The following TMEM64 variants were observed in gnomAD, a reference collection of about 807,000 sequenced individuals.
TMEM64 encodes the protein transmembrane protein 64.
Under a neutral mutation model 24.5 loss-of-function variants are expected in TMEM64, and 19 were observed. That is an observed-to-expected ratio of 0.78 (90% CI 0.54 to 1.14). The LOEUF (loss-of-function observed/expected upper bound fraction) is 1.14. TMEM64 is among the 50% of genes most tolerant of loss of function. The pLI is 0.00. For synonymous variants in TMEM64, 262 were observed against 224.7 expected (o/e 1.17, Z -1.49); for missense variants, 487 against 493.0 (o/e 0.99, Z 0.12).
chr8:90,629,238 T>C (rs937509124), intron 2 of TMEM64, among the ~76,000 whole-genome samples: 2 of 152,218 alleles, frequency 1.3e-5, no homozygotes, highest in African/African-American at 2.4e-5. Context: ...CTAAGAAATA[T>C]GTGCTTTCCC....
rs1809666426 is a variant in TMEM64 at position 90,644,967 on chromosome 8, G to A, written c.795+144C>T. The stretch of plus-strand genomic sequence containing the variant: ...TTTTATGTGTAGGACAGACTTCCCA[G>A]GCTGCGATGGAAAGTAATCGTAACT... On this transcript the variant is annotated intron_variant, in intron 1 of 2. Transcript: ENST00000458549. The A allele has an allele frequency of 6.6e-6, 6 of 903,710 alleles. No homozygotes were observed. In the South Asian group the frequency reaches 8.3e-5, roughly 12 times the overall value. 56.0% of individuals were successfully genotyped at this position (903,710 alleles called of 1,614,324 possible). A position where few individuals can be genotyped will look rare whatever the true frequency, so the allele number is the denominator to read the frequency against.
chr8:90,634,181 C>T (rs1243946613), intron 1 of TMEM64, among the ~76,000 whole-genome samples: 8 of 152,100 alleles, frequency 5.3e-5, no homozygotes, highest in Admixed American at 1.3e-4. Flanking sequence ...GATCCCTCCC[C>T]GTTCCAGTAG....
At chr8:90,632,135 C>CT (rs1809448680) in intron 1 of TMEM64, among the ~76,000 whole-genome samples, 1 of 152,160 alleles carries the variant, frequency 6.6e-6, no homozygotes, top group Non-Finnish European at 1.5e-5. Context: ...ATATGCTACT[C>CT]TGTCTCTAAA....
intron 1 of TMEM64, among the ~76,000 whole-genome samples, chr8:90,637,134 GA>G (rs1354351842): frequency 6.6e-6 from 1 of 151,730 alleles, no homozygotes; most frequent in East Asian, 1.9e-4. Flanking sequence ...AAAATGAGAG[GA>G]AAAAAAACTA....
At chr8:90,630,660 G>C (rs1011182356) in intron 2 of TMEM64, among the ~76,000 whole-genome samples, 1 of 152,048 alleles carries the variant, frequency 6.6e-6, no homozygotes, top group East Asian at 1.9e-4. Context: ...GTTGGGAAGA[G>C]ATGTATAATA....
Position 90,645,935 on chromosome 8 carries a change from C to A in TMEM64, c.-30G>T. 1 of 1,119,442 alleles carries A rather than the reference C, an allele frequency of 8.9e-7. No homozygotes were observed. The highest frequency in any genetic ancestry group is 1.1e-6 in the Non-Finnish European group (1 of 912,680). The allele number at this position is 1,119,442 out of a possible 1,614,324, so 69.3% of individuals were successfully genotyped here. A position where few individuals can be genotyped will look rare whatever the true frequency, so the allele number is the denominator to read the frequency against. ...CGGCCCAGCGCGGGCCCTCAGCCGG[C>A]CAGCCCCTCCGCCGCGGCGCCCGTT... is the stretch of plus-strand genomic sequence containing the variant. On this transcript the variant is annotated 5_prime_UTR_variant, in exon 1 of 3. Coordinates refer to ENST00000458549, the MANE Select transcript of TMEM64 (RefSeq NM_001008495.4). This position sits in a 1 kb window ranked among gnomAD's most constrained non-coding sequence, Gnocchi z 4.2.
intron 1 of TMEM64, among the ~76,000 whole-genome samples, chr8:90,640,717 T>G (rs369880504): frequency 1.3e-5 from 2 of 152,348 alleles, no homozygotes; most frequent in East Asian, 3.9e-4. Flanking sequence ...TCTTGATAGC[T>G]CAATGCAAAC....
intron 1 of TMEM64, among the ~76,000 whole-genome samples, chr8:90,639,338 AATTT>A (rs1430890875): frequency 3.3e-5 from 5 of 152,082 alleles, no homozygotes; most frequent in African/African-American, 1.2e-4. Context: ...AGAGGTCACC[AATTT>A]ATTTGAGAAT....
At chr8:90,643,977 T>G (rs893155539) in intron 1 of TMEM64, among the ~76,000 whole-genome samples, 3 of 152,234 alleles carry the variant, frequency 2.0e-5, no homozygotes, top group African/African-American at 7.2e-5. Context: ...GCAGATTGGT[T>G]AGTATTATTC....
chr8:90,641,590 G>A (rs143040444), intron 1 of TMEM64, among the ~76,000 whole-genome samples: 1 of 152,104 alleles, frequency 6.6e-6, no homozygotes, highest in Non-Finnish European at 1.5e-5. Flanking sequence ...GCTCTTCTTG[G>A]ACCAACACTA....
intron 2 of TMEM64, 128 bp from the exon 3 acceptor site, chr8:90,625,990 T>C (rs1809353201): frequency 3.0e-6 from 2 of 666,074 alleles, no homozygotes; most frequent in Non-Finnish European, 4.9e-6. Context: ...TAAAGGGTTA[T>C]ACATTTTTAA....
Position 90,623,858 on chromosome 8 carries a change from AAAAT to A in TMEM64, c.*1809_*1812del, listed in dbSNP as rs1262838423. 6.6e-6 allele frequency: 1 copy of A among 152,158 alleles called. No homozygotes were observed. Among genetic ancestry groups the A allele is most frequent in the East Asian group, 1.9e-4 (1 of 5,186 alleles). 9.4% of individuals were successfully genotyped at this position (152,158 alleles called of 1,614,324 possible). A position where few individuals can be genotyped will look rare whatever the true frequency, so the allele number is the denominator to read the frequency against. On this transcript the variant is annotated 3_prime_UTR_variant, in exon 3 of 3. Coordinates refer to ENST00000458549, the MANE Select transcript of TMEM64 (RefSeq NM_001008495.4). ...AAAAGGTTGTCAGGTTAGACAGAAA[AAAAT>A]AAATCAAATGTATTGTTGGTTGGGA...
intron 2 of TMEM64, among the ~76,000 whole-genome samples, chr8:90,629,639 GTTTAAC>G (rs1809410602): frequency 1.3e-5 from 2 of 152,042 alleles, no homozygotes; most frequent in Admixed American, 6.5e-5. Flanking sequence ...TGCATAGAAA[GTTTAAC>G]TTTATATGAT....
At chr8:90,633,514 G>T (rs1167838487) in intron 1 of TMEM64, among the ~76,000 whole-genome samples, 1 of 152,168 alleles carries the variant, frequency 6.6e-6, no homozygotes, top group Non-Finnish European at 1.5e-5. Flanking sequence ...AAGTGATCTG[G>T]TATACAGCAA....
In TMEM64 at chr8:90,623,232, A is replaced by G. The variant is rs550680352; in HGVS notation, c.*2439T>C. ...CTGAGAAATTTGACATTTCATTTCT[A>G]TAAATATACATGAGTGGAGACATTT... is the stretch of plus-strand genomic sequence containing the variant. On this transcript the variant is annotated 3_prime_UTR_variant, in exon 3 of 3. Transcript: ENST00000458549. 7 of 152,318 alleles carry G rather than the reference A, an allele frequency of 4.6e-5. No homozygotes were observed. Among genetic ancestry groups the G allele is most frequent in the African/African-American group, 1.4e-4 (6 of 41,574 alleles). 9.4% of individuals were successfully genotyped at this position (152,318 alleles called of 1,614,324 possible).
chr8:90,640,289 T>G (rs867670039), intron 1 of TMEM64, among the ~76,000 whole-genome samples: 5 of 152,336 alleles, frequency 3.3e-5, no homozygotes, highest in Middle Eastern at 6.8e-3. Context: ...TCATATCTTT[T>G]TTTGAATCTA....
chr8:90,645,712 A>C lies in TMEM64; in HGVS notation c.194T>G (p.Leu65Arg), dbSNP rs1473362800. The C allele has an allele frequency of 1.7e-6, 2 of 1,205,760 alleles. No homozygotes were observed. Among genetic ancestry groups the C allele is most frequent in the Non-Finnish European group, 1.0e-6 (1 of 973,060 alleles). The allele number at this position is 1,205,760 out of a possible 1,614,324, so 74.7% of individuals were successfully genotyped here. A position where few individuals can be genotyped will look rare whatever the true frequency, so the allele number is the denominator to read the frequency against. ...GTGGCGCTCCAGATAGGCGCCGAGC[A>C]GGGCGCCCGAGGCCGCCGCTGCTGC... ...AAAAAAASGA[L>R]LGAYLERHGP... is the part of the protein sequence containing the mutation. Residue 65 changes from leucine to arginine, a missense_variant, in exon 1 of 3, where the codon CTG becomes CGG. By Grantham distance (102) the Leu-to-Arg change is moderately radical. This residue lies in a region of TMEM64 where 419 missense variants were observed against 407.5 expected (regional missense o/e 1.03). Transcript: ENST00000458549. The surrounding 1 kb of genome is among the most constrained non-coding windows in gnomAD (Gnocchi z 4.2).
rs1368271902 is a variant in TMEM64, at chr8:90,645,646, G to A, written c.260C>T (p.Ala87Val). ...GCCACTCCCGGGGCCGCCCGCCAAG[G>A]CCCCGCCCGGCTCCGGCAGCTCCGA... is the stretch of plus-strand genomic sequence containing the variant. Reference protein sequence around the residue: ...EASELPEPGGALAGGPGSGGG... With the variant: ...EASELPEPGGVLAGGPGSGGG... The change falls in exon 1 of 3, where the codon GCC (alanine) becomes GTC (valine). Residue 87 changes from alanine (A) to valine (V), a missense_variant. Coordinates refer to ENST00000458549, the MANE Select transcript of TMEM64 (RefSeq NM_001008495.4). This position sits in a 1 kb window ranked among gnomAD's most constrained non-coding sequence, Gnocchi z 4.2. 17 of 1,530,830 alleles carry A rather than the reference G, an allele frequency of 1.1e-5. No individual in the cohort carries two copies. The East Asian group carries it at 3.4e-4, about 31-fold the overall frequency. 94.8% of individuals were successfully genotyped at this position (1,530,830 alleles called of 1,614,324 possible). A position where few individuals can be genotyped will look rare whatever the true frequency, so the allele number is the denominator to read the frequency against.
At chr8:90,641,730 T>A (rs547530343) in intron 1 of TMEM64, among the ~76,000 whole-genome samples, 1 of 152,350 alleles carries the variant, frequency 6.6e-6, no homozygotes, top group South Asian at 2.1e-4. Flanking sequence ...GTAAATAAGT[T>A]ATGTGTGCAT....
Sources: gnomAD v4.1 joint callset for allele counts (sites outside exome capture counted in the v4.1 genomes callset) on GRCh38, gnomAD v4.1.1 for gene constraint, gnomAD v4.1.1 regional missense constraint, Gnocchi (gnomAD v3.1) non-coding constraint, MANE v1.5 for transcripts, NCBI Gene and HGNC (gene_info 2026-07-23, HGNC 2026-07-21) for gene names.